Variants in SORT1 observed in about 807,000 individuals in gnomAD.
SORT1 encodes the protein sortilin 1.
SORT1 carries 39 observed loss-of-function variants against 101.7 expected under a neutral mutation model. The ratio of observed to expected loss-of-function variants is 0.38; its 90% CI spans 0.30 to 0.50. The LOEUF (loss-of-function observed/expected upper bound fraction) is 0.50, where lower values mean the gene tolerates loss of function less well. Ranked by LOEUF, SORT1 falls within the 20% of genes least tolerant of loss-of-function variation. The probability of loss-of-function intolerance (pLI) is 0.90; values close to 1 mark genes in which losing one functional copy is unlikely to be tolerated. For missense variants in SORT1, 878 were observed against 1,040.4 expected, an observed-to-expected ratio of 0.84 and a Z score of 2.15; for synonymous variants, 396 against 393.7, an observed-to-expected ratio of 1.01 and a Z score of -0.07.
chr1:109,326,468 TACAC>T (rs758005459), intron 13 of SORT1, among the ~76,000 whole-genome samples: 10,366 of 62,106 alleles, frequency 0.17, 860 homozygotes, highest in East Asian at 0.34. Context: ...TATATATACA[TACAC>T]ACACACACAC....
At chr1:109,370,346 T>C (rs1048188200) in intron 1 of SORT1, among the ~76,000 whole-genome samples, 2 of 152,130 alleles carry the variant, frequency 1.3e-5, no homozygotes, top group Admixed American at 1.3e-4. Context: ...TAGACAATTA[T>C]AAGAACGCAT....
intron 10 of SORT1, among the ~76,000 whole-genome samples, chr1:109,338,312 G>A (rs867167402): frequency 6.6e-6 from 1 of 152,152 alleles, no homozygotes; most frequent in Non-Finnish European, 1.5e-5. Context: ...ATGAGAGTAG[G>A]GCAGATGGAA....
chr1:109,369,940 C>T (rs1450334398), intron 1 of SORT1, among the ~76,000 whole-genome samples: 1 of 152,148 alleles, frequency 6.6e-6, no homozygotes, highest in Non-Finnish European at 1.5e-5. Flanking sequence ...AACAAAAGAT[C>T]ATAGCCCACA....
intron 3 of SORT1, among the ~76,000 whole-genome samples, chr1:109,365,882 T>C (rs1038405273): frequency 1.3e-5 from 2 of 152,206 alleles, no homozygotes; most frequent in Non-Finnish European, 2.9e-5. Context: ...TCAAAGTTCA[T>C]ACCTCACGGG....
chr1:109,397,329 A>G (rs1653244461), intron 1 of SORT1: 1 of 156,164 alleles, frequency 6.4e-6, no homozygotes, highest in Admixed American at 6.5e-5. Flanking sequence ...GATGTTCAAG[A>G]GATTTTGACA....
In SORT1 at chr1:109,325,070, G is replaced by T. The variant is rs1173194159; in HGVS notation, c.1663C>A (p.Gln555Lys). The T allele has an allele frequency of 3.1e-6, 5 of 1,611,136 alleles. No individual in the cohort carries two copies. Among genetic ancestry groups the T allele is most frequent in the East Asian group, 2.2e-5 (1 of 44,794 alleles). The part of the protein sequence containing the change: ...NVIKFSTDEG[Q>K]CWQTYTFTRD... The stretch of plus-strand genomic sequence containing the variant: ...GTGAACGTGTAGGTTTGCCAGCATT[G>T]ACCTTCGTCTGTGGAGAACCTGAAA... Residue 555 changes from glutamine to lysine, a missense_variant, in exon 14 of 20, where the codon CAA (glutamine) becomes AAA (lysine). Transcript: ENST00000256637.
intron 1 of SORT1, among the ~76,000 whole-genome samples, chr1:109,395,796 A>G (rs72983017): frequency 0.016 from 2,449 of 152,282 alleles, 69 homozygotes; most frequent in African/African-American, 0.056. Flanking sequence ...AAATCCAGGC[A>G]GGGCATAGTG....
chr1:109,331,527 C>T (rs1250813813), intron 11 of SORT1, among the ~76,000 whole-genome samples: 1 of 151,860 alleles, frequency 6.6e-6, no homozygotes, highest in Non-Finnish European at 1.5e-5. Flanking sequence ...AGGGATATAC[C>T]TCAACATAAT....
chr1:109,342,823 A>C (rs941182194), intron 8 of SORT1, among the ~76,000 whole-genome samples: 6 of 152,094 alleles, frequency 3.9e-5, no homozygotes, highest in African/African-American at 1.4e-4. Context: ...ATTAAAACTT[A>C]ACTCTCTGAT....
chr1:109,329,128 A>G (rs1225138899), intron 11 of SORT1, among the ~76,000 whole-genome samples: 1 of 152,232 alleles, frequency 6.6e-6, no homozygotes, highest in Non-Finnish European at 1.5e-5. Flanking sequence ...GCTACCTGGT[A>G]AGGGCTTCCC....
chr1:109,340,995 T>G, intron 9 of SORT1, 116 bp from the exon 10 acceptor site: 1 of 762,512 alleles, frequency 1.3e-6, no homozygotes, highest in Non-Finnish European at 2.1e-6. Flanking sequence ...ATTGTGTCTC[T>G]TCATGATGAA....
chr1:109,326,996 T>A lies in SORT1; in HGVS notation c.1639A>T (p.Ile547Phe), dbSNP rs747602158. 1 of 1,610,828 alleles carries A rather than the reference T, an allele frequency of 6.2e-7. No homozygotes were observed. Among genetic ancestry groups the A allele is most frequent in the East Asian group, 2.2e-5 (1 of 44,862 alleles). The change falls in exon 13 of 20, where the codon ATT (isoleucine) becomes TTT (phenylalanine). Residue 547 changes from isoleucine (I) to phenylalanine (F), a missense_variant. By Grantham distance (21) the Ile-to-Phe change is conservative. Around this residue, in one of 2 missense-constraint regions of SORT1, gnomAD observed 684 missense variants for 894.5 expected, o/e 0.76. Transcript: ENST00000256637. ...GTGAGATGAGTTCATGCATACTTAA[T>A]CACATTGATAGGACGGCTGCTGTGC... Reference protein sequence around the residue: ...IEHSSRPINVIKFSTDEGQCW... With the variant: ...IEHSSRPINVFKFSTDEGQCW...
chr1:109,325,138 G>C (rs200658969), intron 13 of SORT1, 49 bp from the exon 14 acceptor site: 1 of 1,287,736 alleles, frequency 7.8e-7, no homozygotes, highest in Non-Finnish European at 1.1e-6. Flanking sequence ...AATGTGTACT[G>C]GGAATTCAGA....
In SORT1 at chr1:109,359,338, G is replaced by T. The variant is rs148589700; in HGVS notation, c.441-3869C>A. Among the ~76,000 whole-genome samples, 13 of 152,098 alleles carry T rather than the reference G, an allele frequency of 8.5e-5. No homozygotes were observed. The East Asian group carries it at 2.5e-3, about 29-fold the overall frequency. On this transcript the variant is annotated intron_variant, in intron 3 of 19. Transcript: ENST00000256637. ...CCCACCTCCTAATACCATCGCACTA[G>T]GGGTTAAAATTTCAACATATGAGTT...
chr1:109,351,716 T>C (rs1649972088), intron 5 of SORT1, among the ~76,000 whole-genome samples: 1 of 152,170 alleles, frequency 6.6e-6, no homozygotes, highest in Non-Finnish European at 1.5e-5. Flanking sequence ...AGGAGGAATG[T>C]GTGCTAAGCA....
chr1:109,347,551 AG>A lies in SORT1; in HGVS notation c.783-20del, dbSNP rs776670258. 1.9e-5 allele frequency: 30 copies of A among 1,587,394 alleles called. No homozygotes were observed. The highest frequency in any genetic ancestry group is 2.2e-5 in the Non-Finnish European group (25 of 1,155,968). On this transcript the variant is annotated intron_variant, in intron 6 of 19. Coordinates refer to ENST00000256637, the MANE Select transcript of SORT1 (RefSeq NM_002959.7). ...TGATCCCCTACAATGAGGCAAAAAC[AG>A]GGAAAAGAAATGGTTTAAGACTGCT...
At chr1:109,366,015 C>G (rs750255340) in intron 3 of SORT1, among the ~76,000 whole-genome samples, 1 of 152,100 alleles carries the variant, frequency 6.6e-6, no homozygotes, top group Non-Finnish European at 1.5e-5. Flanking sequence ...ATACCCTGAC[C>G]CTAGGGTAGT....
At chr1:109,364,665 TA>T (rs1236564323) in intron 3 of SORT1, among the ~76,000 whole-genome samples, 2 of 152,104 alleles carry the variant, frequency 1.3e-5, no homozygotes, top group Non-Finnish European at 2.9e-5. Context: ...TGGCAGGGGC[TA>T]GGGGGTGCAG....
intron 1 of SORT1, among the ~76,000 whole-genome samples, chr1:109,383,529 G>C (rs1457307570): frequency 1.3e-5 from 2 of 152,208 alleles, no homozygotes; most frequent in East Asian, 3.8e-4. Context: ...GGTTGGGAAG[G>C]TAAGCACAAA....
Sources: allele counts gnomAD v4.1 joint callset (sites outside exome capture counted in the v4.1 genomes callset), GRCh38; gene constraint gnomAD v4.1.1; regional missense constraint gnomAD v4.1.1; transcripts MANE v1.5; gene names NCBI Gene and HGNC (gene_info 2026-07-23, HGNC 2026-07-21).